The following IL1RAPL2 variants were observed in gnomAD, a reference collection of about 807,000 sequenced individuals.
IL1RAPL2 encodes interleukin 1 receptor accessory protein like 2, also known as X-linked interleukin-1 receptor accessory protein-like 2.
A neutral mutation model predicts 44.1 loss-of-function variants in IL1RAPL2; 3 were observed. The observed-to-expected ratio is 0.07, with a 90% CI of 0.03 to 0.18. IL1RAPL2 has a LOEUF of 0.18. Ranked by LOEUF, IL1RAPL2 falls within the 10% of genes least tolerant of loss-of-function variation. IL1RAPL2 has a pLI of 1.00. For missense variants in IL1RAPL2, 391 were observed against 496.4 expected, an observed-to-expected ratio of 0.79 and a Z score of 2.02; for synonymous variants, 181 against 178.8, an observed-to-expected ratio of 1.01 and a Z score of -0.10.
chrX:105,409,200 A>T (rs1230690698), intron 5 of IL1RAPL2, among the ~76,000 whole-genome samples: 1 of 100,640 alleles, frequency 9.9e-6, no homozygotes, highest in Non-Finnish European at 1.9e-5. Context: ...ATGCCTCCAA[A>T]CCAGTCAAAT....
At chrX:105,318,904 C>T (rs1013102190) in intron 5 of IL1RAPL2, among the ~76,000 whole-genome samples, 4 of 112,264 alleles carry the variant, frequency 3.6e-5, no homozygotes, top group Non-Finnish European at 7.5e-5. Context: ...TTATAGCTAT[C>T]GCCTTCAATG....
At chrX:104,791,114 G>A (rs1368010526) in intron 2 of IL1RAPL2, among the ~76,000 whole-genome samples, 1 of 110,940 alleles carries the variant, frequency 9.0e-6, no homozygotes, top group Admixed American at 9.6e-5. Context: ...AGGTTGATCA[G>A]GCTTTGGTAT....
chrX:105,031,031 T>A (rs1458641844), intron 2 of IL1RAPL2, among the ~76,000 whole-genome samples: 1 of 110,337 alleles, frequency 9.1e-6, no homozygotes, highest in Non-Finnish European at 1.9e-5. Flanking sequence ...CACTCATGAT[T>A]TGGCTCTCTG....
chrX:105,233,239 G>A (rs1214715532), intron 3 of IL1RAPL2, among the ~76,000 whole-genome samples: 5 of 111,690 alleles, frequency 4.5e-5, no homozygotes, highest in Non-Finnish European at 9.4e-5. Flanking sequence ...AGCAGAGATA[G>A]CGCCACTGCA....
At chrX:105,598,249 C>T (rs987750164) in intron 6 of IL1RAPL2, among the ~76,000 whole-genome samples, 4 of 110,320 alleles carry the variant, frequency 3.6e-5, no homozygotes, top group African/African-American at 1.3e-4. Context: ...TGAAAACACA[C>T]ACACACAAAA....
At chrX:104,621,590 A>G (rs1929402704) in intron 1 of IL1RAPL2, among the ~76,000 whole-genome samples, 1 of 110,488 alleles carries the variant, frequency 9.1e-6, no homozygotes, top group Non-Finnish European at 1.9e-5. Context: ...CCCACCCATT[A>G]TGGACATAGG....
At chrX:104,845,243 A>G (rs1922020002) in intron 2 of IL1RAPL2, among the ~76,000 whole-genome samples, 1 of 111,980 alleles carries the variant, frequency 8.9e-6, no homozygotes, top group Non-Finnish European at 1.9e-5. Context: ...AAAAATGTTA[A>G]TGTTTTTGTT....
chrX:104,675,052 C>T (rs1266334708), intron 2 of IL1RAPL2, among the ~76,000 whole-genome samples: 1 of 110,933 alleles, frequency 9.0e-6, no homozygotes, highest in Admixed American at 9.6e-5. Context: ...AAAACCAGCT[C>T]CTGGATTCAT....
At chrX:105,643,168 A>G (rs1455989803) in intron 6 of IL1RAPL2, among the ~76,000 whole-genome samples, 1 of 112,187 alleles carries the variant, frequency 8.9e-6, no homozygotes, top group Non-Finnish European at 1.9e-5. Flanking sequence ...GGTGGGTGAT[A>G]GGACTGTCTA....
chrX:105,247,073 T>C (rs1368858834), intron 4 of IL1RAPL2, among the ~76,000 whole-genome samples: 1 of 111,395 alleles, frequency 9.0e-6, no homozygotes, highest in African/African-American at 3.3e-5. Flanking sequence ...TATCTAAAGA[T>C]GACTGAGTAA....
At chrX:105,099,077 G>A (rs1428275247) in intron 2 of IL1RAPL2, among the ~76,000 whole-genome samples, 1 of 112,186 alleles carries the variant, frequency 8.9e-6, no homozygotes, top group African/African-American at 3.2e-5. Context: ...ATTGTACAAC[G>A]CACTAGAGGT....
In IL1RAPL2 at chrX:105,290,468, A is replaced by G. The variant is rs185687193; in HGVS notation, c.697+22927A>G. Among the ~76,000 whole-genome samples the G allele has an allele frequency of 4.3e-3, 481 of 111,544 alleles. 4 individuals are homozygous for G. The highest frequency in any genetic ancestry group is 0.015 in the African/African-American group (455 of 30,706). ...TAAAGGTCCACTAAACAAAAGTGCA[A>G]CTTATCCAGAAATACTCACAGAGCT... On this transcript the variant is annotated intron_variant, in intron 5 of 10. Coordinates refer to ENST00000372582, the MANE Select transcript of IL1RAPL2 (RefSeq NM_017416.2).
intron 6 of IL1RAPL2, among the ~76,000 whole-genome samples, chrX:105,704,759 T>G (rs765707358): frequency 9.0e-6 from 1 of 110,959 alleles, no homozygotes; most frequent in South Asian, 3.8e-4. Context: ...TTAGCTATTT[T>G]TCCTAATGTT....
chrX:104,844,710 T>C (rs1287568769), intron 2 of IL1RAPL2, among the ~76,000 whole-genome samples: 1 of 111,856 alleles, frequency 8.9e-6, no homozygotes, highest in African/African-American at 3.3e-5. Context: ...TTGGGCTGCA[T>C]GTGGTCCACG....
intron 3 of IL1RAPL2, chrX:105,219,375 G>C: frequency 1.7e-6 from 2 of 1,210,982 alleles, no homozygotes; most frequent in African/African-American, 3.5e-5. Flanking sequence ...AATAAGATGT[G>C]GCTGTTTCGA....
At chrX:104,717,704 G>T (rs1178875485) in intron 2 of IL1RAPL2, among the ~76,000 whole-genome samples, 1 of 109,060 alleles carries the variant, frequency 9.2e-6, no homozygotes, top group East Asian at 2.9e-4. Flanking sequence ...TTGGTGTGCT[G>T]CACCCATTAA....
chrX:104,585,214 ATATATG>A (rs1406863469), intron 1 of IL1RAPL2, among the ~76,000 whole-genome samples: 2 of 56,413 alleles, frequency 3.5e-5, no homozygotes, highest in East Asian at 5.2e-4. Context: ...ATATATACAC[ATATATG>A]TATATATGTG....
chrX:104,987,429 TAAAA>T (rs200944971), intron 2 of IL1RAPL2, among the ~76,000 whole-genome samples: 2 of 89,733 alleles, frequency 2.2e-5, no homozygotes, highest in African/African-American at 4.0e-5. Flanking sequence ...GTGTATAATG[TAAAA>T]AAAAAAAAAA....
intron 6 of IL1RAPL2, among the ~76,000 whole-genome samples, chrX:105,609,042 G>A (rs992062493): frequency 9.0e-6 from 1 of 111,165 alleles, no homozygotes; most frequent in Non-Finnish European, 1.9e-5. Flanking sequence ...CACACCCCTT[G>A]TGCCATAATC....
Sources: gnomAD v4.1 joint callset for allele counts (sites outside exome capture counted in the v4.1 genomes callset) on GRCh38, gnomAD v4.1.1 for gene constraint, MANE v1.5 for transcripts, NCBI Gene and HGNC (gene_info 2026-07-23, HGNC 2026-07-21) for gene names.